The following BMPER variants were observed in gnomAD, a reference collection of about 807,000 sequenced individuals.
BMPER encodes the protein BMP-binding endothelial regulator protein.
In BMPER, 45 loss-of-function variants were observed where a neutral mutation model predicts 87.3. The observed-to-expected ratio is 0.52, with a 90% CI of 0.41 to 0.66. The LOEUF (loss-of-function observed/expected upper bound fraction) is 0.66, where lower values mean the gene tolerates loss of function less well. Ranked by LOEUF, BMPER falls within the 30% of genes least tolerant of loss-of-function variation. BMPER has a pLI of 0.00. For synonymous variants in BMPER, 326 were observed against 316.2 expected (o/e 1.03, Z -0.33); for missense variants, 784 against 867.5 (o/e 0.90, Z 1.21).
At chr7:34,062,454 C>T (rs1230416239) in intron 11 of BMPER, among the ~76,000 whole-genome samples, 1 of 152,080 alleles carries the variant, frequency 6.6e-6, no homozygotes, top group Non-Finnish European at 1.5e-5. Flanking sequence ...AGCTGCACTT[C>T]CTGCTCCCTC....
intron 7 of BMPER, among the ~76,000 whole-genome samples, chr7:34,047,843 C>CCTTCCTTCCT (rs1303534117): frequency 1.3e-5 from 2 of 148,412 alleles, no homozygotes; most frequent in Admixed American, 6.8e-5. Context: ...TGCTTTCTTT[C>CCTTCCTTCCT]TCTTTCTATC....
rs1298717693 is a variant in BMPER, at chr7:34,135,955, C to G, written c.1746-7275C>G. 5.3e-5 allele frequency among the ~76,000 whole-genome samples: 8 copies of G among 152,164 alleles called. No homozygotes were observed. In the East Asian group the frequency reaches 1.5e-3, roughly 29 times the overall value. On this transcript the variant is annotated intron_variant, in intron 13 of 14. Coordinates refer to ENST00000649409, the MANE Select transcript of BMPER (RefSeq NM_001365308.1). Reference sequence around the variant, plus strand: ...CAGAGAAACAGGCTGGACTCCCGTTCCAGGTATCCTCCTGCCCTGTCTCCC... The same window carrying G: ...CAGAGAAACAGGCTGGACTCCCGTTGCAGGTATCCTCCTGCCCTGTCTCCC...
intron 3 of BMPER, among the ~76,000 whole-genome samples, chr7:33,941,712 G>A (rs1341036748): frequency 6.6e-6 from 1 of 152,192 alleles, no homozygotes; most frequent in African/African-American, 2.4e-5. Context: ...AGGCGGTGAT[G>A]TGAGCGATGG....
At chr7:33,906,940 T>C (rs1432343582) in intron 2 of BMPER, 37 bp downstream of exon 2, 5 of 1,523,188 alleles carry the variant, frequency 3.3e-6, no homozygotes, top group East Asian at 2.3e-5. Context: ...ACTCAACTGC[T>C]CTCTCTGATA....
At chr7:33,907,125 C>T (rs1783840283) in intron 2 of BMPER, among the ~76,000 whole-genome samples, 1 of 151,716 alleles carries the variant, frequency 6.6e-6, no homozygotes, top group African/African-American at 2.4e-5. Flanking sequence ...TGACATCATC[C>T]TTATAGACGT....
At chr7:34,046,520 G>A (rs1056455626) in intron 7 of BMPER, 115 bp downstream of exon 7, 4 of 1,081,352 alleles carry the variant, frequency 3.7e-6, no homozygotes, top group Non-Finnish European at 5.7e-6. Context: ...TTCGTGGCTT[G>A]TTAGAGACAA....
chr7:34,011,289 C>T (rs1385775521), intron 6 of BMPER, among the ~76,000 whole-genome samples: 3 of 151,668 alleles, frequency 2.0e-5, no homozygotes, highest in African/African-American at 7.3e-5. Context: ...TGTATTTCTA[C>T]CAAGTTTCCA....
intron 6 of BMPER, among the ~76,000 whole-genome samples, chr7:33,994,229 C>T (rs1313835644): frequency 2.0e-5 from 3 of 152,242 alleles, no homozygotes; most frequent in Non-Finnish European, 4.4e-5. Flanking sequence ...CTCGCTGCCG[C>T]CTTGCAGTGT....
At chr7:34,076,219 A>G (rs1420087979) in intron 11 of BMPER, among the ~76,000 whole-genome samples, 10 of 152,192 alleles carry the variant, frequency 6.6e-5, no homozygotes, top group African/African-American at 2.2e-4. Flanking sequence ...CACTTGAGGC[A>G]GTAGATCTTC....
At chr7:33,952,107 G>A (rs1348908891) in intron 3 of BMPER, among the ~76,000 whole-genome samples, 1 of 152,064 alleles carries the variant, frequency 6.6e-6, no homozygotes, top group Non-Finnish European at 1.5e-5. Context: ...TCAATTTTTT[G>A]TGCAAAGCCA....
chr7:34,049,589 TGAA>T (rs1788090300), intron 7 of BMPER, among the ~76,000 whole-genome samples: 1 of 152,200 alleles, frequency 6.6e-6, no homozygotes, highest in African/African-American at 2.4e-5. Flanking sequence ...AGCTCAGTCA[TGAA>T]GAAGGTGCAT....
rs763314776 is a variant in BMPER at position 33,905,635 on chromosome 7, G to T, written c.22G>T (p.Gly8Trp). 1.4e-5 allele frequency: 22 copies of T among 1,613,026 alleles called. No individual in the cohort carries two copies. The highest frequency in any genetic ancestry group is 1.5e-5 in the Non-Finnish European group (18 of 1,179,900). Residue 8 changes from glycine (G) to tryptophan (W), a missense_variant, in exon 1 of 15, where the codon GGG becomes TGG. Physicochemically the swap from Gly to Trp is radical, Grantham distance 184. Coordinates refer to ENST00000649409, the MANE Select transcript of BMPER (RefSeq NM_001365308.1). MLWFSGV[G>W]ALAERYCRRS... ...GACGATGCTCTGGTTCTCCGGCGTCGGGGCTCTGGCTGAGCGTTACTGCCG... is the reference window on the plus strand; with the variant it reads ...GACGATGCTCTGGTTCTCCGGCGTCTGGGCTCTGGCTGAGCGTTACTGCCG...
chr7:33,983,247 A>G (rs1185739965), intron 6 of BMPER, among the ~76,000 whole-genome samples: 1 of 152,142 alleles, frequency 6.6e-6, no homozygotes, highest in Non-Finnish European at 1.5e-5. Context: ...TTTTATTTTA[A>G]TGGCTTATAA....
intron 2 of BMPER, among the ~76,000 whole-genome samples, chr7:33,921,331 G>A (rs542516619): frequency 4.6e-5 from 7 of 152,182 alleles, no homozygotes; most frequent in Non-Finnish European, 8.8e-5. Flanking sequence ...GTGAGGTAGC[G>A]CTGGCATTCT....
intron 11 of BMPER, among the ~76,000 whole-genome samples, chr7:34,065,249 C>CTCTCTCTCTCTCTCCCT (rs1788555867): frequency 1.7e-5 from 1 of 58,492 alleles, no homozygotes; most frequent in Non-Finnish European, 3.9e-5. Context: ...TCTCTCTCTC[C>CTCTCTCTCTCTCTCCCT]CTCTCTCTCT....
intron 13 of BMPER, among the ~76,000 whole-genome samples, chr7:34,136,091 C>G (rs1262366898): frequency 6.6e-6 from 1 of 152,182 alleles, no homozygotes; most frequent in Non-Finnish European, 1.5e-5. Context: ...AATATTTAAG[C>G]CAGCATGGAC....
chr7:34,086,824 C>T (rs1363361206), intron 13 of BMPER, among the ~76,000 whole-genome samples: 1 of 152,114 alleles, frequency 6.6e-6, no homozygotes, highest in Non-Finnish European at 1.5e-5. Context: ...TGAGTTTGGC[C>T]TGGGTGTACT....
intron 2 of BMPER, among the ~76,000 whole-genome samples, chr7:33,924,997 C>T (rs1431315774): frequency 6.6e-6 from 1 of 152,164 alleles, no homozygotes; most frequent in Non-Finnish European, 1.5e-5. Context: ...CTCCAACAGC[C>T]TCACACCTTG....
In BMPER at chr7:34,007,570, C is replaced by T. The variant is rs557354622; in HGVS notation, c.576+32786C>T. Among the ~76,000 whole-genome samples, 7 of 152,032 alleles carry T rather than the reference C, an allele frequency of 4.6e-5. No individual in the cohort carries two copies. In the South Asian group the frequency reaches 1.4e-3, roughly 31 times the overall value. ...GTATTCTATATGTTCTGTTCTGTGT[C>T]ATTTTTTCACTTAATTATACATCTT... On this transcript the variant is annotated intron_variant, in intron 6 of 14. Transcript: ENST00000649409.
Sources: allele counts gnomAD v4.1 joint callset (sites outside exome capture counted in the v4.1 genomes callset), GRCh38; gene constraint gnomAD v4.1.1; transcripts MANE v1.5; gene names NCBI Gene and HGNC (gene_info 2026-07-23, HGNC 2026-07-21).